SMAD9: variants seen among roughly 807,000 people sequenced by gnomAD.
The protein encoded by SMAD9 is MAD homolog 9.
SMAD9 carries 36 observed loss-of-function variants against 46.1 expected under a neutral mutation model. That is an observed-to-expected ratio of 0.78 (90% CI 0.60 to 1.03). The LOEUF (loss-of-function observed/expected upper bound fraction) is 1.03. Ranked by LOEUF, SMAD9 falls within the 50% of genes least tolerant of loss-of-function variation. The probability of loss-of-function intolerance (pLI) is 0.00; values close to 1 mark genes in which losing one functional copy is unlikely to be tolerated. For synonymous variants in SMAD9, 245 were observed against 237.1 expected (o/e 1.03, Z -0.31); for missense variants, 572 against 599.8 (o/e 0.95, Z 0.48).
At chr13:36,896,543 A>G (rs776844298) in intron 1 of SMAD9, among the ~76,000 whole-genome samples, 1 of 152,186 alleles carries the variant, frequency 6.6e-6, no homozygotes, top group African/African-American at 2.4e-5. Flanking sequence ...TCTACAATGC[A>G]TATCTGATCC....
intron 1 of SMAD9, among the ~76,000 whole-genome samples, chr13:36,910,196 CA>C (rs367794803): frequency 0.013 from 1,577 of 119,168 alleles, 25 homozygotes; most frequent in African/African-American, 0.042. Flanking sequence ...GACTCCGTCT[CA>C]AAAAAAAAAA....
rs140716824 is a variant in SMAD9 at position 36,878,139 on chromosome 13, T to C, written c.412+1139A>G. On this transcript the variant is annotated intron_variant, in intron 2 of 6. Transcript: ENST00000379826. Reference sequence around the variant, plus strand: ...GCTTCTCCAAGAGGAGGAGGAAATATATACATATTTCTTACACACATATAT... The same window carrying C: ...GCTTCTCCAAGAGGAGGAGGAAATACATACATATTTCTTACACACATATAT... Among the ~76,000 whole-genome samples, 185 of 152,042 alleles carry C rather than the reference T, an allele frequency of 1.2e-3. 6 individuals carry two copies. In the East Asian group the frequency reaches 0.033, roughly 27 times the overall value.
At chr13:36,854,527 C>T (rs1296986455) in intron 5 of SMAD9, among the ~76,000 whole-genome samples, 1 of 152,186 alleles carries the variant, frequency 6.6e-6, no homozygotes, top group African/African-American at 2.4e-5. Context: ...GCCAACACAG[C>T]TGGCTAATTT....
chr13:36,854,529 G>A (rs1159573615), intron 5 of SMAD9, among the ~76,000 whole-genome samples: 2 of 152,074 alleles, frequency 1.3e-5, no homozygotes, highest in African/African-American at 4.8e-5. Flanking sequence ...CAACACAGCT[G>A]GCTAATTTTT....
At chr13:36,853,071 G>A (rs571676557) in intron 6 of SMAD9, among the ~76,000 whole-genome samples, 1 of 152,302 alleles carries the variant, frequency 6.6e-6, no homozygotes, top group East Asian at 1.9e-4. Flanking sequence ...AGGATCACAA[G>A]GTCAGGAGTT....
At chr13:36,910,500 C>T (rs2058652977) in intron 1 of SMAD9, among the ~76,000 whole-genome samples, 1 of 152,070 alleles carries the variant, frequency 6.6e-6, no homozygotes, top group Non-Finnish European at 1.5e-5. Flanking sequence ...CTTAAAAGCC[C>T]ACTAAATATC....
At chr13:36,912,861 C>A (rs554267004) in intron 1 of SMAD9, among the ~76,000 whole-genome samples, 1 of 152,072 alleles carries the variant, frequency 6.6e-6, no homozygotes, top group African/African-American at 2.4e-5. Flanking sequence ...ACAGAAAATA[C>A]GGAAGTCTAA....
intron 1 of SMAD9, among the ~76,000 whole-genome samples, chr13:36,891,667 G>T (rs757330290): frequency 1.3e-5 from 2 of 152,124 alleles, no homozygotes; most frequent in Non-Finnish European, 2.9e-5. Context: ...ACAGCTTCCC[G>T]GTTCCCTAGG....
intron 1 of SMAD9, among the ~76,000 whole-genome samples, chr13:36,882,486 T>G (rs562102040): frequency 9.2e-5 from 14 of 152,290 alleles, no homozygotes; most frequent in Admixed American, 3.3e-4. Context: ...ATCTCGGGTC[T>G]CTGCAGACCG....
intron 1 of SMAD9, among the ~76,000 whole-genome samples, chr13:36,881,410 G>A (rs1450086222): frequency 6.6e-6 from 1 of 152,216 alleles, no homozygotes; most frequent in Non-Finnish European, 1.5e-5. Context: ...TCCCTGGAGG[G>A]CAAGCTGTAC....
At chr13:36,877,276 C>T (rs977881671) in intron 2 of SMAD9, among the ~76,000 whole-genome samples, 4 of 152,160 alleles carry the variant, frequency 2.6e-5, no homozygotes, top group Non-Finnish European at 4.4e-5. Flanking sequence ...GCAGGAGAAT[C>T]GCTTGAACTG....
At chr13:36,848,918 C>T (rs2058053577) in intron 6 of SMAD9, 99 bp from the exon 7 acceptor site, 11 of 1,199,602 alleles carry the variant, frequency 9.2e-6, no homozygotes, top group Admixed American at 3.9e-5. Context: ...CACACCCCAG[C>T]GTAGCTCCTG....
chr13:36,851,607 G>T, intron 6 of SMAD9: 1 of 321,540 alleles, frequency 3.1e-6, no homozygotes, highest in Non-Finnish European at 4.5e-6. Flanking sequence ...CATGGCAGGT[G>T]CTCAATAAAC....
At chr13:36,860,975 T>C (rs1416024917) in intron 5 of SMAD9, among the ~76,000 whole-genome samples, 1 of 152,178 alleles carries the variant, frequency 6.6e-6, no homozygotes, top group African/African-American at 2.4e-5. Flanking sequence ...TAACTGTTAG[T>C]AGCTATTTAA....
chr13:36,895,692 A>G (rs2058522343), intron 1 of SMAD9, among the ~76,000 whole-genome samples: 1 of 152,208 alleles, frequency 6.6e-6, no homozygotes, highest in South Asian at 2.1e-4. Flanking sequence ...TTGGAGAGAA[A>G]TTGCTTTGCT....
intron 1 of SMAD9, among the ~76,000 whole-genome samples, chr13:36,896,788 T>A (rs1490084543): frequency 2.6e-5 from 4 of 152,186 alleles, no homozygotes; most frequent in Non-Finnish European, 5.9e-5. Flanking sequence ...TAAACTTTTT[T>A]AAATAATTCA....
intron 6 of SMAD9, among the ~76,000 whole-genome samples, chr13:36,853,178 G>A (rs573007970): frequency 4.6e-5 from 7 of 152,218 alleles, no homozygotes; most frequent in South Asian, 2.1e-4. Flanking sequence ...CCAGCTACCC[G>A]GGAGGCTGAG....
rs776111631 is a variant in SMAD9, at chr13:36,853,658, C to T, written c.1021G>A (p.Val341Ile). 2.5e-6 allele frequency: 4 copies of T among 1,614,102 alleles called. No homozygotes were observed. Among genetic ancestry groups the T allele is most frequent in the African/African-American group, 1.3e-5 (1 of 75,030 alleles). Residue 341 changes from valine (V) to isoleucine (I), a missense_variant, in exon 6 of 7, where the codon GTC becomes ATC. By Grantham distance (29) the Val-to-Ile change is conservative. Coordinates refer to ENST00000379826, the MANE Select transcript of SMAD9 (RefSeq NM_001127217.3). ...CACTCGGCATACACCTCTCCCCCGA[C>T]GTAGTACAAGTGCACACCTGCAGAC... ...HIGKGVHLYYVGGEVYAECVS... is the reference protein window; with the variant it reads ...HIGKGVHLYYIGGEVYAECVS...
intron 2 of SMAD9, among the ~76,000 whole-genome samples, chr13:36,873,504 GGTGA>G (rs1162468975): frequency 3.3e-5 from 5 of 152,268 alleles, no homozygotes; most frequent in Middle Eastern, 3.4e-3. Context: ...AAGATTTCAA[GGTGA>G]GTAATTAAAA....
Sources: allele counts gnomAD v4.1 joint callset (sites outside exome capture counted in the v4.1 genomes callset), GRCh38; gene constraint gnomAD v4.1.1; transcripts MANE v1.5; gene names NCBI Gene and HGNC (gene_info 2026-07-23, HGNC 2026-07-21).